The following TRAPPC9 variants were observed in gnomAD, a reference collection of about 807,000 sequenced individuals.
The protein encoded by TRAPPC9 is IKK2 binding protein.
In TRAPPC9, 83 loss-of-function variants were observed where a neutral mutation model predicts 124.0. That is an observed-to-expected ratio of 0.67 (90% confidence interval 0.56 to 0.80). The LOEUF is 0.80. TRAPPC9 is among the 30% of genes least tolerant of loss of function. The pLI is 0.00. For synonymous variants in TRAPPC9, 638 were observed against 617.5 expected, an observed-to-expected ratio of 1.03 and a Z score of -0.49; for missense variants, 1,302 against 1,508.3, an observed-to-expected ratio of 0.86 and a Z score of 2.27.
At chr8:140,011,383 T>A (rs1282669807) in intron 18 of TRAPPC9, among the ~76,000 whole-genome samples, 1 of 151,408 alleles carries the variant, frequency 6.6e-6, no homozygotes, top group Non-Finnish European at 1.5e-5. Flanking sequence ...ATATTATATA[T>A]ATTTAGATGA....
intron 21 of TRAPPC9, among the ~76,000 whole-genome samples, chr8:139,844,666 C>T (rs565629981): frequency 2.2e-4 from 34 of 152,172 alleles, no homozygotes; most frequent in Non-Finnish European, 4.7e-4. Flanking sequence ...CGGGGAGGAG[C>T]TCTGCTGGCA....
At chr8:140,086,559 A>G (rs1016064455) in intron 17 of TRAPPC9, among the ~76,000 whole-genome samples, 4 of 152,022 alleles carry the variant, frequency 2.6e-5, no homozygotes, top group Non-Finnish European at 4.4e-5. Context: ...GTCCTGCTCC[A>G]CCCGTCTCTT....
At chr8:139,999,496 C>T (rs1185816765) in intron 18 of TRAPPC9, among the ~76,000 whole-genome samples, 1 of 152,056 alleles carries the variant, frequency 6.6e-6, no homozygotes, top group Admixed American at 6.6e-5. Flanking sequence ...ACACTCTTCT[C>T]TCAGTAATTG....
chr8:139,839,129 ACTG>A (rs1339106340), intron 21 of TRAPPC9, among the ~76,000 whole-genome samples: 14 of 152,184 alleles, frequency 9.2e-5, no homozygotes, highest in Non-Finnish European at 1.6e-4. Context: ...CCCAGGTCTG[ACTG>A]CTGGGCCTAG....
intron 21 of TRAPPC9, among the ~76,000 whole-genome samples, chr8:139,853,023 A>G (rs1413595947): frequency 6.6e-6 from 1 of 152,176 alleles, no homozygotes; most frequent in Non-Finnish European, 1.5e-5. Context: ...GGTTCTTTGT[A>G]TCTTCTTTCC....
At chr8:139,856,562 A>G (rs1387585005) in intron 21 of TRAPPC9, among the ~76,000 whole-genome samples, 1 of 152,156 alleles carries the variant, frequency 6.6e-6, no homozygotes, top group Admixed American at 6.5e-5. Flanking sequence ...CATGGGTAAC[A>G]CAGGTCAACA....
rs10105121 is a variant in TRAPPC9 at position 140,260,100 on chromosome 8, C to T, written c.2279-7171G>A. Among the ~76,000 whole-genome samples the T allele has an allele frequency of 9.2e-4, 140 of 152,214 alleles. 1 individual carries two copies. Among genetic ancestry groups the T allele is most frequent in the Non-Finnish European group, 1.4e-3 (98 of 68,010 alleles). On this transcript the variant is annotated intron_variant, in intron 15 of 22. Coordinates refer to ENST00000438773, the MANE Select transcript of TRAPPC9 (RefSeq NM_001160372.4). ...AATTTTTGACGATAAGTATACATTA[C>T]GCTTTTATAAACAAACATATACACG...
intron 17 of TRAPPC9, among the ~76,000 whole-genome samples, chr8:140,168,541 C>T (rs1049409165): frequency 1.3e-5 from 2 of 152,218 alleles, no homozygotes; most frequent in African/African-American, 2.4e-5. Flanking sequence ...AGCCTGTTCT[C>T]AAGGCTCATG....
intron 21 of TRAPPC9, among the ~76,000 whole-genome samples, chr8:139,769,271 A>C (rs775119323): frequency 6.6e-6 from 1 of 152,238 alleles, no homozygotes; most frequent in Non-Finnish European, 1.5e-5. Context: ...TATTAGGCAT[A>C]GTGAGAGACT....
intron 3 of TRAPPC9, among the ~76,000 whole-genome samples, chr8:140,437,160 A>T (rs2319831): frequency 0.49 from 74,617 of 150,922 alleles, 18,646 homozygotes; most frequent in Middle Eastern, 0.59. Context: ...ATTTTATTTT[A>T]TTTTGGTAGA....
chr8:139,935,978 A>C (rs1374935743), intron 19 of TRAPPC9, among the ~76,000 whole-genome samples: 3 of 152,228 alleles, frequency 2.0e-5, no homozygotes, highest in African/African-American at 7.2e-5. Flanking sequence ...ACAATGGGGA[A>C]GCCTGCACCA....
intron 16 of TRAPPC9, among the ~76,000 whole-genome samples, chr8:140,246,020 C>T (rs1056359093): frequency 6.6e-6 from 1 of 152,212 alleles, no homozygotes; most frequent in Non-Finnish European, 1.5e-5. Context: ...ATCGTCCAAT[C>T]GCGCAGTCTA....
chr8:140,014,851 G>T (rs922294172), intron 18 of TRAPPC9, among the ~76,000 whole-genome samples: 2 of 152,178 alleles, frequency 1.3e-5, no homozygotes, highest in African/African-American at 2.4e-5. Context: ...AGTGTGCATG[G>T]GATGCCCGAC....
chr8:139,794,651 G>A (rs1397744551), intron 21 of TRAPPC9, among the ~76,000 whole-genome samples: 3 of 152,196 alleles, frequency 2.0e-5, no homozygotes, highest in African/African-American at 2.4e-5. Flanking sequence ...CTTGGCTCCC[G>A]TTCCTGGCAC....
At chr8:139,859,644 C>A (rs150021272) in intron 21 of TRAPPC9, among the ~76,000 whole-genome samples, 1 of 152,228 alleles carries the variant, frequency 6.6e-6, no homozygotes, top group African/African-American at 2.4e-5. Context: ...CTGCCCCATG[C>A]GGCCAGACGG....
intron 17 of TRAPPC9, among the ~76,000 whole-genome samples, chr8:140,189,385 T>A (rs1352666599): frequency 6.6e-6 from 1 of 152,208 alleles, no homozygotes; most frequent in Non-Finnish European, 1.5e-5. Context: ...CTTGCCAAAG[T>A]GTTATCACTG....
intron 9 of TRAPPC9, among the ~76,000 whole-genome samples, chr8:140,350,249 T>TCCG (rs1563965499): frequency 6.6e-6 from 1 of 152,076 alleles, no homozygotes; most frequent in African/African-American, 2.4e-5. Flanking sequence ...ATTTTTGGTC[T>TCCG]CCTGTATTCA....
chr8:139,820,450 G>A (rs770250554), intron 21 of TRAPPC9, among the ~76,000 whole-genome samples: 1 of 152,158 alleles, frequency 6.6e-6, no homozygotes, highest in Non-Finnish European at 1.5e-5. Context: ...AAAGTGCTGG[G>A]ATTACAGGCA....
chr8:139,890,600 G>A (rs895519678), intron 20 of TRAPPC9, among the ~76,000 whole-genome samples: 13 of 152,302 alleles, frequency 8.5e-5, no homozygotes, highest in Admixed American at 4.6e-4. Context: ...ACCCCTTCCC[G>A]GTCTGTTTTC....
Sources: allele counts gnomAD v4.1 joint callset (sites outside exome capture counted in the v4.1 genomes callset), GRCh38; gene constraint gnomAD v4.1.1; transcripts MANE v1.5; gene names NCBI Gene and HGNC (gene_info 2026-07-23, HGNC 2026-07-21).